Variants in DNAJC1 observed in about 807,000 individuals in gnomAD.
DNAJC1 encodes the protein DnaJ heat shock protein family (Hsp40) member C1, also known as dnaJ homolog subfamily C member 1.
A neutral mutation model predicts 76.6 loss-of-function variants in DNAJC1; 58 were observed. The ratio of observed to expected loss-of-function variants is 0.76; its 90% CI spans 0.61 to 0.94. DNAJC1 has a LOEUF of 0.94. Ranked by LOEUF, DNAJC1 falls within the 40% of genes least tolerant of loss-of-function variation. DNAJC1 has a pLI of 0.00. For missense variants in DNAJC1, 689 were observed against 677.3 expected, an observed-to-expected ratio of 1.02 and a Z score of -0.19; for synonymous variants, 258 against 267.9, an observed-to-expected ratio of 0.96 and a Z score of 0.36.
At chr10:21,904,264 T>C (rs1000295655) in intron 7 of DNAJC1, among the ~76,000 whole-genome samples, 5 of 152,162 alleles carry the variant, frequency 3.3e-5, no homozygotes, top group African/African-American at 1.2e-4. Context: ...AGACTTTGGA[T>C]GCCCCTAGAT....
chr10:21,873,326 TAATC>T (rs762485042), intron 8 of DNAJC1, among the ~76,000 whole-genome samples: 5 of 151,946 alleles, frequency 3.3e-5, no homozygotes, highest in African/African-American at 9.7e-5. Context: ...AGAAACATCA[TAATC>T]AAACCATCAA....
chr10:21,952,876 G>A (rs1837621675), intron 1 of DNAJC1, among the ~76,000 whole-genome samples: 1 of 152,090 alleles, frequency 6.6e-6, no homozygotes. Context: ...GGCCAGCTGG[G>A]AAAAATCACT....
chr10:21,801,464 A>G (rs1834812392), intron 9 of DNAJC1, among the ~76,000 whole-genome samples: 1 of 152,226 alleles, frequency 6.6e-6, no homozygotes, highest in South Asian at 2.1e-4. Context: ...AATGGCTATT[A>G]CCAAAAAGTC....
At chr10:21,838,384 C>T (rs566408427) in intron 8 of DNAJC1, among the ~76,000 whole-genome samples, 1,813 of 152,148 alleles carry the variant, frequency 0.012, 19 homozygotes, top group Middle Eastern at 0.027. Context: ...GGATTAAGGG[C>T]GGTGCAAGAT....
chr10:21,901,931 A>T (rs1314900776), intron 7 of DNAJC1, among the ~76,000 whole-genome samples: 1 of 152,236 alleles, frequency 6.6e-6, no homozygotes, highest in Non-Finnish European at 1.5e-5. Flanking sequence ...AAAGTATACA[A>T]TGCAGAATAC....
chr10:21,825,331 CTTCT>C (rs770874632), intron 8 of DNAJC1, among the ~76,000 whole-genome samples: 17 of 152,210 alleles, frequency 1.1e-4, no homozygotes, highest in Non-Finnish European at 1.6e-4. Context: ...TTGCTTCTGA[CTTCT>C]TTCAGTGTTC....
intron 6 of DNAJC1, among the ~76,000 whole-genome samples, chr10:21,909,933 A>G (rs1836827480): frequency 6.6e-6 from 1 of 152,208 alleles, no homozygotes; most frequent in South Asian, 2.1e-4. Flanking sequence ...AAGGTCTATC[A>G]GTCTACCGTG....
At chr10:21,995,342 T>C (rs1279783846) in intron 1 of DNAJC1, among the ~76,000 whole-genome samples, 2 of 152,234 alleles carry the variant, frequency 1.3e-5, no homozygotes, top group Non-Finnish European at 2.9e-5. Context: ...TCATTTTGAC[T>C]ACTGCTCACT....
chr10:21,956,189 A>T (rs1380581243), intron 1 of DNAJC1, among the ~76,000 whole-genome samples: 3 of 152,172 alleles, frequency 2.0e-5, no homozygotes, highest in African/African-American at 7.2e-5. Context: ...CACGAGGGAC[A>T]AAGAAGGGAA....
At chr10:21,987,498 G>A (rs1485028144) in intron 1 of DNAJC1, among the ~76,000 whole-genome samples, 1 of 152,120 alleles carries the variant, frequency 6.6e-6, no homozygotes, top group Non-Finnish European at 1.5e-5. Context: ...TCTTGGTCAG[G>A]ATAACATGGT....
At chr10:21,949,294 A>G (rs550491888) in intron 1 of DNAJC1, among the ~76,000 whole-genome samples, 2 of 151,938 alleles carry the variant, frequency 1.3e-5, no homozygotes, top group East Asian at 1.9e-4. Context: ...CTTTTAACCA[A>G]TTGGATGATT....
intron 1 of DNAJC1, among the ~76,000 whole-genome samples, chr10:21,997,953 A>G (rs1838445896): frequency 6.6e-6 from 1 of 152,186 alleles, no homozygotes; most frequent in African/African-American, 2.4e-5. Context: ...TTCAGCATAA[A>G]GTAAATACTA....
At chr10:21,927,611 TAAAA>T (rs1027741362) in intron 3 of DNAJC1, among the ~76,000 whole-genome samples, 11 of 152,036 alleles carry the variant, frequency 7.2e-5, no homozygotes, top group African/African-American at 2.7e-4. Context: ...AATAAATAAA[TAAAA>T]AACACCAAAA....
intron 8 of DNAJC1, among the ~76,000 whole-genome samples, chr10:21,843,044 C>A (rs1247422079): frequency 1.3e-5 from 2 of 151,862 alleles, no homozygotes; most frequent in African/African-American, 2.4e-5. Flanking sequence ...ATATTGAATA[C>A]CTAGGATGGT....
At chr10:21,904,408 A>G (rs77439330) in intron 7 of DNAJC1, 114 bp downstream of exon 7, 77 of 208,778 alleles carry the variant, frequency 3.7e-4, no homozygotes, top group African/African-American at 8.6e-4. Context: ...AGGGAGTGGG[A>G]AAAAAAAAAA....
In DNAJC1 at chr10:21,966,638, T is replaced by A. The variant is rs1837893875; in HGVS notation, c.222+36575A>T. ...TGTCCCAGATTTGGCCACTGAGAGA[T>A]CCTCCAAGCTAACTACTGAGTTCTT... On this transcript the variant is annotated intron_variant, in intron 1 of 11. Transcript: ENST00000376980. Among the ~76,000 whole-genome samples the A allele has an allele frequency of 2.0e-5, 3 of 151,944 alleles. No homozygotes were observed. In the South Asian group the frequency reaches 6.2e-4, roughly 32 times the overall value.
At chr10:21,856,847 C>T (rs1835843169) in intron 8 of DNAJC1, among the ~76,000 whole-genome samples, 1 of 152,104 alleles carries the variant, frequency 6.6e-6, no homozygotes, top group Non-Finnish European at 1.5e-5. Flanking sequence ...AGCGATTCTC[C>T]TGCCTCAGCC....
intron 8 of DNAJC1, among the ~76,000 whole-genome samples, chr10:21,832,579 T>C (rs1835377434): frequency 6.6e-6 from 1 of 152,188 alleles, no homozygotes; most frequent in Non-Finnish European, 1.5e-5. Flanking sequence ...TTCTTCCTCC[T>C]CCTTATTGCA....
intron 9 of DNAJC1, 109 bp from the exon 10 acceptor site, chr10:21,766,418 T>C: frequency 4.8e-6 from 4 of 827,906 alleles, no homozygotes; most frequent in East Asian, 2.4e-5. Flanking sequence ...CATTGGATCT[T>C]AGGCCTGAAA....
Sources: gnomAD v4.1 joint callset for allele counts (sites outside exome capture counted in the v4.1 genomes callset) on GRCh38, gnomAD v4.1.1 for gene constraint, MANE v1.5 for transcripts, NCBI Gene and HGNC (gene_info 2026-07-23, HGNC 2026-07-21) for gene names.